RARB: variants seen among roughly 807,000 people sequenced by gnomAD.
RARB encodes HBV-activated protein.
A neutral mutation model predicts 51.9 loss-of-function variants in RARB; 17 were observed. The ratio of observed to expected loss-of-function variants is 0.33; its 90% CI spans 0.22 to 0.49. The LOEUF (loss-of-function observed/expected upper bound fraction) is 0.49. Ranked by LOEUF, RARB falls within the 20% of genes least tolerant of loss-of-function variation. The pLI is 0.99. For missense variants in RARB, 369 were observed against 550.8 expected, an observed-to-expected ratio of 0.67 and a Z score of 3.30; for synonymous variants, 215 against 195.4, an observed-to-expected ratio of 1.10 and a Z score of -0.84.
chr3:25,496,603 T>C (rs982260621), intron 2 of RARB, among the ~76,000 whole-genome samples: 1 of 152,230 alleles, frequency 6.6e-6, no homozygotes, highest in Non-Finnish European at 1.5e-5. Flanking sequence ...TTCCCCCATG[T>C]CACCTATGTA....
At chr3:24,897,563 ACTTGAAGC>A (rs1703503721) in intron 2 of RARB, among the ~76,000 whole-genome samples, 1 of 152,280 alleles carries the variant, frequency 6.6e-6, no homozygotes, top group Non-Finnish European at 1.5e-5. Context: ...ACTATAAAAA[ACTTGAAGC>A]TATATTTAGT....
intron 5 of RARB, among the ~76,000 whole-genome samples, chr3:25,231,912 A>G (rs1702186445): frequency 6.6e-6 from 1 of 152,044 alleles, no homozygotes; most frequent in African/African-American, 2.4e-5. Flanking sequence ...CCTAATTTTG[A>G]TGAAACTCAA....
intron 3 of RARB, among the ~76,000 whole-genome samples, chr3:25,091,890 C>T (rs1699205689): frequency 6.6e-6 from 1 of 152,150 alleles, no homozygotes; most frequent in Non-Finnish European, 1.5e-5. Flanking sequence ...GATAAAAATG[C>T]ATCCTGCAAC....
chr3:25,170,064 A>G (rs968932855), intron 4 of RARB, among the ~76,000 whole-genome samples: 2 of 151,902 alleles, frequency 1.3e-5, no homozygotes, highest in African/African-American at 4.8e-5. Context: ...CTCAAGAATG[A>G]GAAGGATAGA....
At chr3:25,563,469 A>G (rs967303383) in intron 3 of RARB, among the ~76,000 whole-genome samples, 2 of 152,176 alleles carry the variant, frequency 1.3e-5, no homozygotes, top group African/African-American at 4.8e-5. Flanking sequence ...TATTAGGAAA[A>G]AGACACAGTC....
At position 24,975,830 on chromosome 3, in the gene RARB, T is replaced by C. The variant is rs943266238; in HGVS notation, c.-379-84295T>C. 6.6e-5 allele frequency among the ~76,000 whole-genome samples: 10 copies of C among 152,210 alleles called. No homozygotes were observed. In the South Asian group the frequency reaches 1.7e-3, roughly 25 times the overall value. ...ACACGTGCACAACGTGCAGGTTTGT[T>C]ACATAGGTATATGTGTGCCATGCTG... On this transcript the variant is annotated intron_variant, in intron 2 of 11. Transcript: ENST00000383772.
intron 2 of RARB, among the ~76,000 whole-genome samples, chr3:24,977,997 A>C (rs1010445914): frequency 7.9e-5 from 12 of 152,192 alleles, no homozygotes; most frequent in Admixed American, 5.2e-4. Flanking sequence ...CCTTTTCTGC[A>C]TTGATTGAGA....
chr3:25,177,766 C>G (rs1700785370), intron 5 of RARB, among the ~76,000 whole-genome samples: 1 of 152,186 alleles, frequency 6.6e-6, no homozygotes, highest in Admixed American at 6.5e-5. Flanking sequence ...CACAATGGCT[C>G]CATTCCCACA....
chr3:25,516,406 G>T (rs1421846578), intron 3 of RARB, among the ~76,000 whole-genome samples: 7 of 151,936 alleles, frequency 4.6e-5, no homozygotes, highest in Admixed American at 4.6e-4. Context: ...TTAATAATTA[G>T]CTAATTATTC....
intron 2 of RARB, among the ~76,000 whole-genome samples, chr3:24,993,144 G>A (rs1323466077): frequency 2.0e-5 from 3 of 151,908 alleles, no homozygotes; most frequent in Non-Finnish European, 4.4e-5. Flanking sequence ...TCTTTATATA[G>A]GGAATACATA....
chr3:25,318,642 C>A (rs1281131881), intron 5 of RARB, among the ~76,000 whole-genome samples: 1 of 152,048 alleles, frequency 6.6e-6, no homozygotes, highest in Non-Finnish European at 1.5e-5. Context: ...GGGATCTGCT[C>A]AAGTCCTTAT....
At chr3:25,054,195 T>G (rs900863328) in intron 2 of RARB, among the ~76,000 whole-genome samples, 3 of 152,226 alleles carry the variant, frequency 2.0e-5, no homozygotes, top group African/African-American at 7.2e-5. Flanking sequence ...ACAAGCCTCT[T>G]TTAAACCAAA....
intron 5 of RARB, among the ~76,000 whole-genome samples, chr3:25,211,629 T>A (rs995348657): frequency 6.6e-6 from 1 of 152,234 alleles, no homozygotes; most frequent in Non-Finnish European, 1.5e-5. Flanking sequence ...ATGTAAACTT[T>A]ATTATTTTTA....
chr3:25,353,852 C>T (rs1319741162), intron 5 of RARB, among the ~76,000 whole-genome samples: 2 of 152,018 alleles, frequency 1.3e-5, no homozygotes, highest in African/African-American at 2.4e-5. Flanking sequence ...CTTAAGCTGT[C>T]TGTGGAATTC....
chr3:24,837,982 G>A (rs538868470), intron 1 of RARB, among the ~76,000 whole-genome samples: 1 of 152,294 alleles, frequency 6.6e-6, no homozygotes, highest in African/African-American at 2.4e-5. Flanking sequence ...CAAAAATCAA[G>A]GCATCAGCTA....
chr3:25,467,632 A>G (rs1018970171), intron 2 of RARB, among the ~76,000 whole-genome samples: 14 of 152,370 alleles, frequency 9.2e-5, no homozygotes, highest in East Asian at 3.9e-4. Flanking sequence ...CTTGGATTCT[A>G]TGGATGAAGA....
intron 2 of RARB, among the ~76,000 whole-genome samples, chr3:24,995,680 G>T (rs1292597647): frequency 6.6e-6 from 1 of 152,012 alleles, no homozygotes; most frequent in African/African-American, 2.4e-5. Flanking sequence ...ATCATGAAGG[G>T]ATGTTGAATT....
intron 2 of RARB, among the ~76,000 whole-genome samples, chr3:25,022,034 G>A (rs1697650180): frequency 6.6e-6 from 1 of 152,208 alleles, no homozygotes. Context: ...CACTGATGAA[G>A]CAATGACACA....
chr3:24,984,204 G>A (rs12636044), intron 2 of RARB, among the ~76,000 whole-genome samples: 30,354 of 152,124 alleles, frequency 0.2, 3,622 homozygotes, highest in East Asian at 0.3. Context: ...TCATCACAGC[G>A]CAAAAGTAAC....
Sources: gnomAD v4.1 joint callset for allele counts (sites outside exome capture counted in the v4.1 genomes callset) on GRCh38, gnomAD v4.1.1 for gene constraint, MANE v1.5 for transcripts, NCBI Gene and HGNC (gene_info 2026-07-23, HGNC 2026-07-21) for gene names.